Variants in DCLK1 observed in about 807,000 individuals in gnomAD.
DCLK1 encodes doublecortin like kinase 1.
Under a neutral mutation model 86.2 loss-of-function variants are expected in DCLK1, and 16 were observed. The ratio of observed to expected loss-of-function variants is 0.19; its 90% CI spans 0.13 to 0.28. DCLK1 has a LOEUF of 0.28. DCLK1 is among the 10% of genes least tolerant of loss of function. The pLI, the probability that DCLK1 is intolerant of heterozygous loss-of-function variation, is 1.00. For missense variants in DCLK1, 590 were observed against 940.2 expected, an observed-to-expected ratio of 0.63 and a Z score of 4.87; for synonymous variants, 369 against 370.5, an observed-to-expected ratio of 1.00 and a Z score of 0.05.
intron 16 of DCLK1, chr13:35,787,788 G>T (rs2086649070): frequency 4.0e-6 from 1 of 250,924 alleles, no homozygotes; most frequent in South Asian, 4.8e-5. Flanking sequence ...CATCTAATCA[G>T]GTCAAGGTTG....
Position 36,088,181 on chromosome 13 carries a change from C to G in DCLK1, c.723+23688G>C, listed in dbSNP as rs145548919. On this transcript the variant is annotated intron_variant, in intron 3 of 16. Transcript: ENST00000360631. Reference sequence around the variant, plus strand: ...GGATTCTGGAATAGCAGGTTGATGACTAGGAGGAGTGAGCTGTCCACATAA... The same window carrying G: ...GGATTCTGGAATAGCAGGTTGATGAGTAGGAGGAGTGAGCTGTCCACATAA... Among the ~76,000 whole-genome samples, 504 of 152,292 alleles carry G rather than the reference C, an allele frequency of 3.3e-3. 3 individuals are homozygous for G. Among genetic ancestry groups the G allele is most frequent in the Admixed American group, 4.6e-3 (71 of 15,302 alleles).
intron 3 of DCLK1, among the ~76,000 whole-genome samples, chr13:36,064,805 AT>A (rs1239583240): frequency 6.6e-6 from 1 of 152,042 alleles, no homozygotes; most frequent in Non-Finnish European, 1.5e-5. Flanking sequence ...AAATCTTCAT[AT>A]TTATTCTATA....
chr13:35,870,330 G>A (rs1022423350), intron 5 of DCLK1, among the ~76,000 whole-genome samples: 4 of 152,052 alleles, frequency 2.6e-5, no homozygotes, highest in African/African-American at 9.7e-5. Context: ...GGTCTAGCTG[G>A]CCCCTGACCT....
chr13:35,786,268 T>C (rs561892538), intron 16 of DCLK1, among the ~76,000 whole-genome samples: 1 of 152,372 alleles, frequency 6.6e-6, no homozygotes, highest in East Asian at 1.9e-4. Flanking sequence ...TGAAATTAGA[T>C]GACTTTATAT....
rs184255170 is a variant in DCLK1, at chr13:35,849,149, G to A, written c.1035+5350C>T. The A allele has an allele frequency of 1.3e-4, 129 of 985,246 alleles. No homozygotes were observed. The African/African-American group carries it at 2.1e-3, about 16-fold the overall frequency. The allele number at this position is 985,246 out of a possible 1,614,324, so 61.0% of individuals were successfully genotyped here. A position where few individuals can be genotyped will look rare whatever the true frequency, so the allele number is the denominator to read the frequency against. ...TCAAATGCTGTTAGATTGCCTGGAC[G>A]TTTTTTCTTCTTCCTCTTCTTTTGG... On this transcript the variant is annotated intron_variant, in intron 6 of 16. Transcript: ENST00000360631.
chr13:35,831,759 C>A (rs1289621025), intron 8 of DCLK1, among the ~76,000 whole-genome samples: 1 of 152,164 alleles, frequency 6.6e-6, no homozygotes, highest in Non-Finnish European at 1.5e-5. Flanking sequence ...TGTCTTCCTC[C>A]TTGACTAAGG....
At chr13:36,123,935 C>A (rs1192186360) in intron 2 of DCLK1, among the ~76,000 whole-genome samples, 1 of 152,208 alleles carries the variant, frequency 6.6e-6, no homozygotes, top group Admixed American at 6.5e-5. Flanking sequence ...ACCTCCCAGA[C>A]CCTCTCCTTG....
chr13:36,112,146 T>C lies in DCLK1; in HGVS notation c.446A>G (p.Asn149Ser). ...GGTGGTCTTGACGTTCACCGACCAGTTGGGGTTCACATTCTTGGTGTACTC... is the reference window on the plus strand; with the variant it reads ...GGTGGTCTTGACGTTCACCGACCAGCTGGGGTTCACATTCTTGGTGTACTC... ...KLEYTKNVNP[N>S]WSVNVKTTSA... Residue 149 changes from asparagine (N) to serine (S), a missense_variant, in exon 3 of 17, where the codon AAC (asparagine) becomes AGC (serine). Coordinates refer to ENST00000360631, the MANE Select transcript of DCLK1 (RefSeq NM_001330071.2). 1 of 1,612,692 alleles carries C rather than the reference T, an allele frequency of 6.2e-7. No homozygotes were observed. The highest frequency in any genetic ancestry group is 8.5e-7 in the Non-Finnish European group (1 of 1,178,876).
chr13:35,911,335 G>A (rs1875019428), intron 4 of DCLK1, among the ~76,000 whole-genome samples: 1 of 149,988 alleles, frequency 6.7e-6, no homozygotes, highest in Admixed American at 6.7e-5. Flanking sequence ...CACCAACAAC[G>A]ACCTTTTCAG....
chr13:35,942,314 A>G (rs565742506), intron 4 of DCLK1, among the ~76,000 whole-genome samples: 39 of 152,022 alleles, frequency 2.6e-4, no homozygotes, highest in Non-Finnish European at 4.7e-4. Context: ...CTACAGGTGC[A>G]TGCCACCACA....
At chr13:35,983,384 T>A (rs1879754548) in intron 3 of DCLK1, among the ~76,000 whole-genome samples, 1 of 152,144 alleles carries the variant, frequency 6.6e-6, no homozygotes, top group Non-Finnish European at 1.5e-5. Context: ...AGCACTTCTG[T>A]CTAGGAGCCA....
intron 3 of DCLK1, among the ~76,000 whole-genome samples, chr13:35,949,889 C>T (rs1253308560): frequency 7.0e-6 from 1 of 142,904 alleles, no homozygotes; most frequent in African/African-American, 2.6e-5. Context: ...CTTTCCAACA[C>T]TGAGACTCCA....
At chr13:35,843,207 C>T (rs1006480163) in intron 6 of DCLK1, among the ~76,000 whole-genome samples, 6 of 152,104 alleles carry the variant, frequency 3.9e-5, no homozygotes, top group African/African-American at 1.4e-4. Flanking sequence ...TCGCTAATTC[C>T]AAGGCATCTG....
chr13:35,922,721 GTTGAAGA>G (rs1875871315), intron 4 of DCLK1, among the ~76,000 whole-genome samples: 2 of 152,168 alleles, frequency 1.3e-5, no homozygotes, highest in African/African-American at 4.8e-5. Context: ...ATAAATCCTG[GTTGAAGA>G]CTAAGCCACA....
chr13:36,087,163 C>G (rs6563331), intron 3 of DCLK1, among the ~76,000 whole-genome samples: 1 of 151,994 alleles, frequency 6.6e-6, no homozygotes, highest in Non-Finnish European at 1.5e-5. Flanking sequence ...ATCGCCATTC[C>G]AACTGGCATG....
intron 1 of DCLK1, among the ~76,000 whole-genome samples, chr13:36,129,060 T>G (rs1256858749): frequency 2.0e-5 from 3 of 152,224 alleles, no homozygotes; most frequent in Non-Finnish European, 2.9e-5. Context: ...TGTGTTTTAT[T>G]CTTAAAGGCA....
chr13:36,007,931 C>T (rs1267046776), intron 3 of DCLK1, among the ~76,000 whole-genome samples: 1 of 151,806 alleles, frequency 6.6e-6, no homozygotes, highest in Non-Finnish European at 1.5e-5. Flanking sequence ...TTTTGTGTGT[C>T]GTATACAAAC....
rs115135383 is a variant in DCLK1 at position 36,030,225 on chromosome 13, T to G, written c.723+81644A>C. On this transcript the variant is annotated intron_variant, in intron 3 of 16. Transcript: ENST00000360631. ...GCACCTGTCTGAACCCCACTGTCAC[T>G]CTGTAAGAGCTCATATTCAAACATT... 3.0e-3 allele frequency among the ~76,000 whole-genome samples: 457 copies of G among 152,316 alleles called. 3 individuals carry two copies. Among genetic ancestry groups the G allele is most frequent in the African/African-American group, 0.011 (444 of 41,576 alleles).
chr13:35,907,812 T>C (rs1362089378), intron 4 of DCLK1, among the ~76,000 whole-genome samples: 1 of 143,296 alleles, frequency 7.0e-6, no homozygotes, highest in African/African-American at 2.6e-5. Context: ...CTCACCACCA[T>C]CTTCAATTTT....
Sources: allele counts gnomAD v4.1 joint callset (sites outside exome capture counted in the v4.1 genomes callset), GRCh38; gene constraint gnomAD v4.1.1; transcripts MANE v1.5; gene names NCBI Gene and HGNC (gene_info 2026-07-23, HGNC 2026-07-21).